Variants in WDR7 observed in about 807,000 individuals in gnomAD.
WDR7 encodes WD repeat domain 7, also known as WD repeat-containing protein 7.
WDR7 carries 46 observed loss-of-function variants against 169.4 expected under a neutral mutation model. The ratio of observed to expected loss-of-function variants is 0.27; its 90% confidence interval spans 0.21 to 0.35. The LOEUF (loss-of-function observed/expected upper bound fraction) is 0.35, where lower values mean the gene tolerates loss of function less well. Ranked by LOEUF, WDR7 falls within the 10% of genes least tolerant of loss-of-function variation. WDR7 has a pLI of 1.00. For missense variants in WDR7, 1,534 were observed against 1,859.3 expected, an observed-to-expected ratio of 0.83 and a Z score of 3.22; for synonymous variants, 612 against 666.8, an observed-to-expected ratio of 0.92 and a Z score of 1.27.
chr18:57,013,524 C>T (rs2048166667), intron 26 of WDR7, among the ~76,000 whole-genome samples: 1 of 152,166 alleles, frequency 6.6e-6, no homozygotes, highest in African/African-American at 2.4e-5. Context: ...AATGGTGAGA[C>T]AGAAACTAAC....
intron 25 of WDR7, among the ~76,000 whole-genome samples, chr18:56,959,033 C>T (rs1599193869): frequency 2.0e-5 from 3 of 151,938 alleles, no homozygotes; most frequent in South Asian, 4.1e-4. Context: ...TAGGATATTG[C>T]GTTAAAAATA....
chr18:57,012,339 A>G (rs1472980754), intron 26 of WDR7, among the ~76,000 whole-genome samples: 3 of 152,000 alleles, frequency 2.0e-5, no homozygotes, highest in African/African-American at 7.3e-5. Context: ...AGGGTAGGGG[A>G]GATTGCCGTG....
At chr18:56,683,552 AC>A (rs1319815110) in intron 5 of WDR7, among the ~76,000 whole-genome samples, 2 of 152,292 alleles carry the variant, frequency 1.3e-5, no homozygotes, top group East Asian at 3.9e-4. Flanking sequence ...TATCAGCAGC[AC>A]CATCACCATG....
chr18:56,954,754 A>T (rs767699184), intron 25 of WDR7, among the ~76,000 whole-genome samples: 3 of 152,176 alleles, frequency 2.0e-5, no homozygotes, highest in African/African-American at 4.8e-5. Context: ...AAATAGTAAA[A>T]AGTGTCATTG....
chr18:56,941,335 A>T (rs1321082799), intron 25 of WDR7, among the ~76,000 whole-genome samples: 2 of 152,192 alleles, frequency 1.3e-5, no homozygotes, highest in Non-Finnish European at 2.9e-5. Flanking sequence ...CCTTAATAAA[A>T]GTGTCTGCCA....
At chr18:56,874,627 T>G (rs1599119409) in intron 20 of WDR7, among the ~76,000 whole-genome samples, 1 of 152,078 alleles carries the variant, frequency 6.6e-6, no homozygotes, top group Non-Finnish European at 1.5e-5. Flanking sequence ...TTCAACAAAT[T>G]AAGAAAATGT....
At chr18:57,016,233 TG>T (rs1294678566) in intron 26 of WDR7, among the ~76,000 whole-genome samples, 1 of 152,048 alleles carries the variant, frequency 6.6e-6, no homozygotes, top group Non-Finnish European at 1.5e-5. Flanking sequence ...CTCAAGATCT[TG>T]GGGGTCATCA....
intron 12 of WDR7, among the ~76,000 whole-genome samples, chr18:56,711,214 T>C (rs1213695030): frequency 6.6e-6 from 1 of 152,068 alleles, no homozygotes; most frequent in Non-Finnish European, 1.5e-5. Context: ...ATCAAATTTA[T>C]TTTTTTATTT....
At chr18:56,735,305 G>A (rs942598193) in intron 14 of WDR7, among the ~76,000 whole-genome samples, 4 of 152,170 alleles carry the variant, frequency 2.6e-5, no homozygotes, top group East Asian at 3.9e-4. Context: ...ACCAAAACCC[G>A]GCTGAGGGGA....
At chr18:56,729,702 C>CCA (rs2026541155) in intron 13 of WDR7, among the ~76,000 whole-genome samples, 1 of 152,040 alleles carries the variant, frequency 6.6e-6, no homozygotes, top group Non-Finnish European at 1.5e-5. Context: ...TATAACCCAA[C>CCA]CACACACATA....
intron 13 of WDR7, among the ~76,000 whole-genome samples, chr18:56,725,205 T>A (rs1368965108): frequency 1.3e-5 from 2 of 150,760 alleles, no homozygotes; most frequent in Non-Finnish European, 2.9e-5. Flanking sequence ...TATTTCTAGT[T>A]CTAGATCCCT....
At chr18:56,787,511 C>T (rs180761967) in intron 19 of WDR7, among the ~76,000 whole-genome samples, 4 of 152,252 alleles carry the variant, frequency 2.6e-5, no homozygotes, top group East Asian at 1.9e-4. Context: ...GTGTTTAATA[C>T]GTATTGATGT....
At chr18:56,947,470 C>T (rs1007569322) in intron 25 of WDR7, among the ~76,000 whole-genome samples, 15 of 152,158 alleles carry the variant, frequency 9.9e-5, no homozygotes, top group Admixed American at 2.6e-4. Context: ...ATACCCTAGA[C>T]GCCAAGAAAG....
At chr18:56,697,145 A>G (rs1438533704) in intron 12 of WDR7, among the ~76,000 whole-genome samples, 1 of 152,178 alleles carries the variant, frequency 6.6e-6, no homozygotes, top group Non-Finnish European at 1.5e-5. Context: ...CTGTCTCCCA[A>G]CACTCACTCA....
intron 25 of WDR7, among the ~76,000 whole-genome samples, chr18:56,952,186 G>A (rs956132040): frequency 1.3e-5 from 2 of 152,184 alleles, no homozygotes; most frequent in Non-Finnish European, 2.9e-5. Context: ...GCTCTCAGCT[G>A]TCCCTGTGGG....
chr18:56,689,330 G>A (rs1422711692), intron 7 of WDR7, among the ~76,000 whole-genome samples: 1 of 152,072 alleles, frequency 6.6e-6, no homozygotes, highest in East Asian at 1.9e-4. Flanking sequence ...GTGCAATCTC[G>A]GCTCACTGTA....
chr18:56,803,531 G>A (rs369749634), intron 19 of WDR7, among the ~76,000 whole-genome samples: 11 of 152,140 alleles, frequency 7.2e-5, no homozygotes, highest in Admixed American at 1.3e-4. Context: ...ATCGTAAGAC[G>A]TCTGGAAATG....
intron 19 of WDR7, among the ~76,000 whole-genome samples, chr18:56,807,826 T>G (rs754163055): frequency 1.3e-5 from 2 of 152,228 alleles, no homozygotes; most frequent in Admixed American, 6.6e-5. Flanking sequence ...CTAATTACTT[T>G]GTGGACTTTA....
rs1051199964 is a variant in WDR7, at chr18:57,011,141, A to G, written c.4165-9604A>G. Among the ~76,000 whole-genome samples, 66 of 152,382 alleles carry G rather than the reference A, an allele frequency of 4.3e-4. 1 individual carries two copies. Among genetic ancestry groups the G allele is most frequent in the African/African-American group, 1.5e-3 (64 of 41,598 alleles). On this transcript the variant is annotated intron_variant, in intron 26 of 27. Coordinates refer to ENST00000254442, the MANE Select transcript of WDR7 (RefSeq NM_015285.3). ...TTGAGCATGTATTTTGATTCTCACT[A>G]TTCCTAGATAAGGGTGTTGTATGTG...
Sources: gnomAD v4.1 joint callset for allele counts (sites outside exome capture counted in the v4.1 genomes callset) on GRCh38, gnomAD v4.1.1 for gene constraint, MANE v1.5 for transcripts, NCBI Gene and HGNC (gene_info 2026-07-23, HGNC 2026-07-21) for gene names.